NELL2: variants seen among roughly 807,000 people sequenced by gnomAD.
NELL2 encodes protein kinase C-binding protein NELL2.
In NELL2, 41 loss-of-function variants were observed where a neutral mutation model predicts 109.6. The observed-to-expected ratio is 0.37, with a 90% CI of 0.29 to 0.49. NELL2 has a LOEUF of 0.49. NELL2 is among the 20% of genes least tolerant of loss of function. NELL2 has a pLI of 0.98. For missense variants in NELL2, 900 were observed against 1,008.3 expected, an observed-to-expected ratio of 0.89 and a Z score of 1.45; for synonymous variants, 355 against 344.7, an observed-to-expected ratio of 1.03 and a Z score of -0.33.
intron 9 of NELL2, among the ~76,000 whole-genome samples, chr12:44,740,768 C>G (rs918982552): frequency 1.3e-5 from 2 of 152,226 alleles, no homozygotes; most frequent in African/African-American, 4.8e-5. Flanking sequence ...ATACAAGTCC[C>G]ATTTTTCTGT....
chr12:44,835,508 A>T (rs1431852023), intron 2 of NELL2, among the ~76,000 whole-genome samples: 2 of 152,188 alleles, frequency 1.3e-5, no homozygotes. Flanking sequence ...CATCGTCCCA[A>T]AGCAGGCTGC....
chr12:44,766,078 T>C (rs1473902861), intron 9 of NELL2, among the ~76,000 whole-genome samples: 1 of 149,862 alleles, frequency 6.7e-6, no homozygotes, highest in Non-Finnish European at 1.5e-5. Context: ...AGAGCAAGAC[T>C]CCGTATCAGA....
chr12:44,755,578 A>G (rs943154134), intron 9 of NELL2, among the ~76,000 whole-genome samples: 1 of 152,066 alleles, frequency 6.6e-6, no homozygotes, highest in East Asian at 1.9e-4. Flanking sequence ...CAGTTTTGTC[A>G]TCACTCAAAA....
At chr12:44,723,483 A>G (rs1938901401) in intron 9 of NELL2, among the ~76,000 whole-genome samples, 1 of 152,244 alleles carries the variant, frequency 6.6e-6, no homozygotes, top group South Asian at 2.1e-4. Context: ...ATAAATATGT[A>G]CTTTAAACAT....
chr12:44,834,436 CT>C (rs36048159), intron 2 of NELL2, among the ~76,000 whole-genome samples: 52,660 of 131,268 alleles, frequency 0.4, 8,371 homozygotes, highest in South Asian at 0.63. Context: ...CACACGCATT[CT>C]TTTTTTTTTT....
intron 15 of NELL2, among the ~76,000 whole-genome samples, chr12:44,569,610 A>T (rs1943785940): frequency 6.6e-6 from 1 of 152,200 alleles, no homozygotes; most frequent in South Asian, 2.1e-4. Context: ...TAAAGATTTT[A>T]AAAGTTAAGC....
intron 15 of NELL2, among the ~76,000 whole-genome samples, chr12:44,578,188 TA>T (rs34206573): frequency 0.45 from 68,272 of 150,990 alleles, 16,601 homozygotes; most frequent in East Asian, 0.69. Flanking sequence ...TTTTAACAAT[TA>T]TTTTTTTTTT....
chr12:44,515,179 T>C (rs1227161432), intron 19 of NELL2, among the ~76,000 whole-genome samples: 1 of 151,640 alleles, frequency 6.6e-6, no homozygotes, highest in Non-Finnish European at 1.5e-5. Context: ...ACAAAACACT[T>C]TAATAAAAGA....
chr12:44,733,624 A>C (rs1566263538), intron 9 of NELL2, among the ~76,000 whole-genome samples: 1 of 152,016 alleles, frequency 6.6e-6, no homozygotes, highest in Non-Finnish European at 1.5e-5. Flanking sequence ...AGAAAGTCCT[A>C]GATGTCTGCT....
chr12:44,859,585 C>G (rs181114683), intron 2 of NELL2, among the ~76,000 whole-genome samples: 2 of 152,016 alleles, frequency 1.3e-5, no homozygotes, highest in Admixed American at 6.6e-5. Flanking sequence ...CACCATAAAG[C>G]CTTGTTGTCT....
chr12:44,815,847 G>C, intron 3 of NELL2, 139 bp downstream of exon 3: 2 of 852,074 alleles, frequency 2.3e-6, no homozygotes, highest in East Asian at 6.1e-5. Context: ...TTGAACTCCT[G>C]ACCTCGTGAT....
At chr12:44,872,052 CT>C (rs1945177861) in intron 2 of NELL2, among the ~76,000 whole-genome samples, 1 of 152,134 alleles carries the variant, frequency 6.6e-6, no homozygotes, top group Non-Finnish European at 1.5e-5. Context: ...CTTCTGTATA[CT>C]CTCATTCCTG....
chr12:44,785,860 C>A (rs1202655481), intron 3 of NELL2, among the ~76,000 whole-genome samples: 1 of 152,154 alleles, frequency 6.6e-6, no homozygotes, highest in Non-Finnish European at 1.5e-5. Flanking sequence ...CTTCCTTACA[C>A]CTTATGCAAA....
chr12:44,888,437 A>C lies in NELL2; in HGVS notation c.39-12537T>G, dbSNP rs542522893. ...TTGACAAACCTTCACCTGGACTAAG[A>C]AAAAAAGAGAGAAGACCCAAATAAA... On this transcript the variant is annotated intron_variant, in intron 1 of 20. Coordinates refer to the NELL2 transcript ENST00000333837. Among the ~76,000 whole-genome samples, 8 of 150,764 alleles carry C rather than the reference A, an allele frequency of 5.3e-5. No homozygotes were observed. In the East Asian group the frequency reaches 1.6e-3, roughly 29 times the overall value.
chr12:44,750,822 C>T (rs1940619207), intron 9 of NELL2, among the ~76,000 whole-genome samples: 1 of 151,914 alleles, frequency 6.6e-6, no homozygotes. Flanking sequence ...GTTGTGAATG[C>T]AATTAAGTTA....
At chr12:44,917,234 T>C (rs1461482921), upstream of NELL2, among the ~76,000 whole-genome samples, 9 of 152,160 alleles carry the variant, frequency 5.9e-5, no homozygotes, top group African/African-American at 1.9e-4. Context: ...AAAATTTCCA[T>C]CCATGAGTCT....
chr12:44,769,394 C>A (rs1012222520), intron 9 of NELL2, among the ~76,000 whole-genome samples: 1 of 151,858 alleles, frequency 6.6e-6, no homozygotes, highest in Non-Finnish European at 1.5e-5. Context: ...AAAATTAGGC[C>A]GCGGTACAAT....
intron 15 of NELL2, among the ~76,000 whole-genome samples, chr12:44,554,901 C>A (rs866962070): frequency 6.6e-6 from 1 of 152,172 alleles, no homozygotes; most frequent in African/African-American, 2.4e-5. Context: ...AGTTACTTAA[C>A]AGGAACACAA....
intron 3 of NELL2, among the ~76,000 whole-genome samples, chr12:44,790,324 G>A (rs1317847531): frequency 6.6e-6 from 1 of 152,124 alleles, no homozygotes; most frequent in African/African-American, 2.4e-5. Context: ...CCTATCTTCA[G>A]CCTCCTCAAA....
Sources: gnomAD v4.1 joint callset for allele counts (sites outside exome capture counted in the v4.1 genomes callset) on GRCh38, gnomAD v4.1.1 for gene constraint, MANE v1.5 for transcripts, NCBI Gene and HGNC (gene_info 2026-07-23, HGNC 2026-07-21) for gene names.